HERC2: variants seen among roughly 807,000 people sequenced by gnomAD.
The protein encoded by HERC2 is E3 ubiquitin-protein ligase HERC2.
HERC2 carries 102 observed loss-of-function variants against 537.7 expected under a neutral mutation model. The observed-to-expected ratio is 0.19, with a 90% confidence interval of 0.16 to 0.22. The LOEUF (loss-of-function observed/expected upper bound fraction) is 0.22, where lower values mean the gene tolerates loss of function less well. Ranked by LOEUF, HERC2 falls within the 10% of genes least tolerant of loss-of-function variation. HERC2 has a pLI of 1.00. For synonymous variants in HERC2, 2,224 were observed against 2,466.2 expected (o/e 0.90, Z 2.91); for missense variants, 4,236 against 6,198.2 (o/e 0.68, Z 10.63).
chr15:28,213,762 G>T lies in HERC2; in HGVS notation c.6766C>A (p.Pro2256Thr). The T allele has an allele frequency of 6.2e-7, 1 of 1,613,816 alleles. No individual in the cohort carries two copies. The highest frequency in any genetic ancestry group is 8.5e-7 in the Non-Finnish European group (1 of 1,179,760). ...FSDMRTCRVC[P>T]LNQLKPLPAV... ...CCTACTGGTTTCAGCTGATTCAATG[G>T]GCAAACGCGACACGTCCGCATGTCA... The change falls in exon 42 of 93, where the codon CCA (proline) becomes ACA (threonine). Residue 2256 changes from proline to threonine, a missense_variant. Coordinates refer to ENST00000261609, the MANE Select transcript of HERC2 (RefSeq NM_004667.6).
At position 28,229,824 on chromosome 15, in the gene HERC2, A is replaced by G. The variant is rs780063697; in HGVS notation, c.4833T>C (p.Ser1611=). The G allele has an allele frequency of 3.7e-6, 5 of 1,363,886 alleles. No homozygotes were observed. The Admixed American group carries it at 8.4e-5, about 23-fold the overall frequency. 84.5% of individuals were successfully genotyped at this position (1,363,886 alleles called of 1,614,324 possible). ...TGTATTTGTGAACACCTGTAACAGT[A>G]CTCAACAGCGGCTGCCATTTGTCCT... The part of the protein sequence containing the change: ...SPKDKWQPLL[S]TVTGVHKYKW... The change falls in exon 32 of 93, where the codon AGT becomes AGC. Residue 1611 remains serine, a synonymous_variant. Coordinates refer to ENST00000261609, the MANE Select transcript of HERC2 (RefSeq NM_004667.6).
chr15:28,243,652 G>C (rs1161624583), intron 23 of HERC2, among the ~76,000 whole-genome samples: 4 of 152,124 alleles, frequency 2.6e-5, no homozygotes, highest in African/African-American at 9.7e-5. Flanking sequence ...TAATAATCTA[G>C]AAAATGCTAA....
intron 23 of HERC2, among the ~76,000 whole-genome samples, chr15:28,239,779 C>A (rs1902861269): frequency 6.6e-6 from 1 of 151,348 alleles, no homozygotes; most frequent in Non-Finnish European, 1.5e-5. Context: ...CAACCAAGTT[C>A]AGAAAATGTG....
intron 69 of HERC2, among the ~76,000 whole-genome samples, chr15:28,160,318 C>T (rs1893456005): frequency 6.6e-6 from 1 of 152,222 alleles, no homozygotes; most frequent in African/African-American, 2.4e-5. Flanking sequence ...TCGGCTATGG[C>T]CTGCCCCCAG....
chr15:28,237,729 G>A (rs185858405), intron 25 of HERC2, among the ~76,000 whole-genome samples: 16 of 152,224 alleles, frequency 1.1e-4, no homozygotes, highest in East Asian at 7.7e-4. Context: ...CTATGTGTTC[G>A]TGAATACATA....
rs34632582 is a variant in HERC2 at position 28,293,492 on chromosome 15, CAA to C, written c.188-472_188-471del. ...TGGGTGACAGAGCGAGACTCTGTCT[CAA>C]AAAAAAAAAAAAAAAAAGAAACCAA... On this transcript the variant is annotated intron_variant, in intron 3 of 92. Coordinates refer to ENST00000261609, the MANE Select transcript of HERC2 (RefSeq NM_004667.6). 9.0e-3 allele frequency among the ~76,000 whole-genome samples: 791 copies of C among 88,300 alleles called. 4 individuals are homozygous for C. The highest frequency in any genetic ancestry group is 0.024 in the African/African-American group (613 of 25,868). The allele number at this position is 88,300 out of a possible 152,430, so 57.9% of individuals were successfully genotyped here.
intron 21 of HERC2, 149 bp downstream of exon 21, chr15:28,248,403 A>G (rs1903931260): frequency 5.1e-6 from 3 of 585,030 alleles, no homozygotes; most frequent in Non-Finnish European, 9.0e-6. Context: ...GTCCAACTCA[A>G]AAAAGTGGAT....
chr15:28,144,782 G>A lies in HERC2; in HGVS notation c.11031C>T (p.Ser3677=). 1 of 1,614,184 alleles carries A rather than the reference G, an allele frequency of 6.2e-7. No homozygotes were observed. The highest frequency in any genetic ancestry group is 8.5e-7 in the Non-Finnish European group (1 of 1,180,038). The part of the protein sequence containing the change: ...VRSGREWSDW[S]SELRIPGDEL... The stretch of plus-strand genomic sequence containing the variant: ...CATCCCCTGGGATGCGCAGCTCGCT[G>A]GACCAGTCGGACCACTCTCGGCCTG... Residue 3677 remains serine, a synonymous_variant, in exon 72 of 93, where the codon TCC becomes TCT. Coordinates refer to ENST00000261609, the MANE Select transcript of HERC2 (RefSeq NM_004667.6).
intron 23 of HERC2, 70 bp downstream of exon 23, chr15:28,245,811 T>C (rs972656289): frequency 3.8e-6 from 5 of 1,317,274 alleles, no homozygotes; most frequent in South Asian, 2.6e-5. Flanking sequence ...TCTTTCAAAT[T>C]GAAAGGCAAG....
chr15:28,191,020 G>A lies in HERC2; in HGVS notation c.8594C>T (p.Thr2865Ile). ...NSLNNLIELKTININPSDTTV... is the reference protein window; with the variant it reads ...NSLNNLIELKIININPSDTTV... ...GGTGTCAGAAGGGTTAATATTGATT[G>A]TCTTTAGTTCAATAAGGTTATTCAG... is the stretch of plus-strand genomic sequence containing the variant. Residue 2865 changes from threonine (T) to isoleucine (I), a missense_variant, in exon 55 of 93, where the codon ACA becomes ATA. This residue lies in a region of HERC2 where 606 missense variants were observed against 884.5 expected (regional missense o/e 0.69). Transcript: ENST00000261609. The A allele has an allele frequency of 1.2e-6, 2 of 1,612,620 alleles. No homozygotes were observed. The highest frequency in any genetic ancestry group is 2.7e-5 in the African/African-American group (2 of 75,004).
chr15:28,149,079 C>G (rs1237368710), intron 70 of HERC2, among the ~76,000 whole-genome samples: 1 of 151,104 alleles, frequency 6.6e-6, no homozygotes, highest in East Asian at 2.0e-4. Context: ...GACTCCTAAC[C>G]GAGAACATCA....
At position 28,111,459 on chromosome 15, in the gene HERC2, G is replaced by C; in HGVS notation, c.*304C>G. 2.7e-6 allele frequency: 1 copy of C among 367,744 alleles called. No individual in the cohort carries two copies. Among genetic ancestry groups the C allele is most frequent in the Non-Finnish European group, 4.9e-6 (1 of 205,820 alleles). 22.8% of individuals were successfully genotyped at this position (367,744 alleles called of 1,614,324 possible). On this transcript the variant is annotated 3_prime_UTR_variant, in exon 93 of 93. Coordinates refer to ENST00000261609, the MANE Select transcript of HERC2 (RefSeq NM_004667.6). ...AAGTAAAAAGGCTTTATTCATTTTG[G>C]GGATGCTGCAATTTGGTATTTATAT...
At chr15:28,319,347 A>G (rs904921202) in intron 2 of HERC2, among the ~76,000 whole-genome samples, 3 of 152,060 alleles carry the variant, frequency 2.0e-5, no homozygotes, top group African/African-American at 7.3e-5. Flanking sequence ...GCAATTTGGG[A>G]GGCCGAGGCA....
chr15:28,115,281 GC>G, intron 89 of HERC2, 147 bp downstream of exon 89: 1 of 218,266 alleles, frequency 4.6e-6, no homozygotes, highest in South Asian at 1.8e-4. Context: ...TTTTTTTTTT[GC>G]TACTCAAAGG....
At position 28,152,734 on chromosome 15, in the gene HERC2, C is replaced by G. The variant is rs1892583380; in HGVS notation, c.10843G>C (p.Glu3615Gln). 2.6e-6 allele frequency: 4 copies of G among 1,551,956 alleles called. No homozygotes were observed. The Admixed American group carries it at 7.8e-5, about 30-fold the overall frequency. Residue 3615 changes from glutamate (E) to glutamine (Q), a missense_variant, in exon 70 of 93, where the codon GAG becomes CAG. By Grantham distance (29) the Glu-to-Gln change is conservative (BLOSUM62 2). Around this residue, in one of 27 missense-constraint regions of HERC2, gnomAD observed 356 missense variants for 450.9 expected, o/e 0.79. Transcript: ENST00000261609. ...TCGTCGGTGTAAGGGTGGCTACTCT[C>G]CACCACCACAGGCTGAGAAGAGAGG... Reference protein sequence around the residue: ...GRLSSQPVVVESSHPYTDDTS... With the variant: ...GRLSSQPVVVQSSHPYTDDTS...
intron 2 of HERC2, among the ~76,000 whole-genome samples, chr15:28,308,422 GAATTT>G (rs1455793071): frequency 6.6e-6 from 1 of 152,194 alleles, no homozygotes; most frequent in Non-Finnish European, 1.5e-5. Flanking sequence ...CAATTGTATT[GAATTT>G]ATCGGCTCTA....
chr15:28,257,665 C>G (rs1339668700), intron 16 of HERC2, among the ~76,000 whole-genome samples: 2 of 152,034 alleles, frequency 1.3e-5, no homozygotes, highest in Non-Finnish European at 1.5e-5. Context: ...CGGCAAGGAT[C>G]TAAGAGAACG....
intron 2 of HERC2, among the ~76,000 whole-genome samples, chr15:28,319,249 C>T (rs1162165518): frequency 6.6e-6 from 1 of 152,282 alleles, no homozygotes; most frequent in Non-Finnish European, 1.5e-5. Flanking sequence ...TGCACACTAT[C>T]CAAAACCTAG....
Position 28,268,243 on chromosome 15 carries a change from G to A in HERC2, c.1598+222C>T, listed in dbSNP as rs1302691788. ...TAGAAGGCTGGCCAAGGCTGCACGG[G>A]GTCAAGAAGAACAGAAAGGCCAATT... is the stretch of plus-strand genomic sequence containing the variant. On this transcript the variant is annotated intron_variant, in intron 12 of 92. Transcript: ENST00000261609. This position sits in a 1 kb window ranked among gnomAD's most constrained non-coding sequence, Gnocchi z 4.7. 6.6e-6 allele frequency among the ~76,000 whole-genome samples: 1 copy of A among 152,082 alleles called. No individual in the cohort carries two copies. The highest frequency in any genetic ancestry group is 2.4e-5 in the African/African-American group (1 of 41,400).
Sources: gnomAD v4.1 joint callset for allele counts (sites outside exome capture counted in the v4.1 genomes callset) on GRCh38, gnomAD v4.1.1 for gene constraint, gnomAD v4.1.1 regional missense constraint, Gnocchi (gnomAD v3.1) non-coding constraint, MANE v1.5 for transcripts, NCBI Gene and HGNC (gene_info 2026-07-23, HGNC 2026-07-21) for gene names.